CIT: variants seen among roughly 807,000 people sequenced by gnomAD.
CIT encodes the protein citron Rho-interacting kinase.
A neutral mutation model predicts 272.7 loss-of-function variants in CIT; 79 were observed. That is an observed-to-expected ratio of 0.29 (90% CI 0.24 to 0.35). The LOEUF is 0.35. CIT is among the 10% of genes least tolerant of loss of function. The probability of loss-of-function intolerance (pLI) is 1.00; values close to 1 mark genes in which losing one functional copy is unlikely to be tolerated. For missense variants in CIT, 1,909 were observed against 2,618.3 expected (o/e 0.73, Z 5.91); for synonymous variants, 948 against 995.6 (o/e 0.95, Z 0.90).
At chr12:119,837,773 G>A (rs911847171) in intron 5 of CIT, among the ~76,000 whole-genome samples, 2 of 152,196 alleles carry the variant, frequency 1.3e-5, no homozygotes, top group African/African-American at 4.8e-5. Flanking sequence ...AGAAGTGCTT[G>A]TTAAAAATAA....
At chr12:119,717,834 C>CTTGCTTTTTTTTTTTTTTTTT (rs1957596158) in intron 32 of CIT, among the ~76,000 whole-genome samples, 3 of 70,244 alleles carry the variant, frequency 4.3e-5, no homozygotes. Flanking sequence ...AGACTGACTT[C>CTTGCTTTTTTTTTTTTTTTTT]TTTCTTTTTT....
Position 119,688,193 on chromosome 12 carries a change from T to C in CIT, c.*39A>G, listed in dbSNP as rs905571444. On this transcript the variant is annotated 3_prime_UTR_variant, in exon 48 of 48. Coordinates refer to ENST00000392521, the MANE Select transcript of CIT (RefSeq NM_001206999.2). ...TTCCATAGTGTGTTTGGTGTTTTCC[T>C]GCAGATCAAGATGAGGAGTTGGTTT... The C allele has an allele frequency of 1.9e-6, 3 of 1,603,624 alleles. No individual in the cohort carries two copies. The highest frequency in any genetic ancestry group is 2.6e-6 in the Non-Finnish European group (3 of 1,170,548).
intron 41 of CIT, among the ~76,000 whole-genome samples, chr12:119,702,429 T>C (rs933180718): frequency 6.6e-6 from 1 of 152,126 alleles, no homozygotes; most frequent in South Asian, 2.1e-4. Flanking sequence ...CTTACATCTG[T>C]AATCCCAGCA....
At chr12:119,840,456 A>G (rs1049523296) in intron 5 of CIT, among the ~76,000 whole-genome samples, 1 of 152,242 alleles carries the variant, frequency 6.6e-6, no homozygotes, top group Non-Finnish European at 1.5e-5. Context: ...AAATGCACTC[A>G]CTTGAAACAT....
In CIT at chr12:119,804,881, A is replaced by C. The variant is rs964304467; in HGVS notation, c.1112-1492T>G. 6.6e-6 allele frequency among the ~76,000 whole-genome samples: 1 copy of C among 152,214 alleles called. No homozygotes were observed. Among genetic ancestry groups the C allele is most frequent in the Non-Finnish European group, 1.5e-5 (1 of 68,036 alleles). On this transcript the variant is annotated intron_variant, in intron 9 of 47. Transcript: ENST00000392521. This position sits in a 1 kb window ranked among gnomAD's most constrained non-coding sequence, Gnocchi z 5.3. Reference sequence around the variant, plus strand: ...GTAAAATGTGCACTACCAGAAAATTATTTAACACCTCCAGTCTCTCAAGAG... The same window carrying C: ...GTAAAATGTGCACTACCAGAAAATTCTTTAACACCTCCAGTCTCTCAAGAG...
intron 14 of CIT, 111 bp from the exon 15 acceptor site, chr12:119,776,519 G>T: frequency 2.6e-6 from 3 of 1,142,036 alleles, no homozygotes; most frequent in Non-Finnish European, 3.8e-6. Context: ...TAAGAATAAT[G>T]TTATCTTCTG....
intron 7 of CIT, 61 bp downstream of exon 7, chr12:119,832,710 A>G: frequency 7.2e-7 from 1 of 1,380,762 alleles, no homozygotes; most frequent in Non-Finnish European, 1.0e-6. Flanking sequence ...TCCCAAACTT[A>G]GGAGGACCAA....
intron 29 of CIT, among the ~76,000 whole-genome samples, 159 bp from the exon 30 acceptor site, chr12:119,720,744 G>C (rs1303301897): frequency 6.6e-6 from 1 of 152,062 alleles, no homozygotes; most frequent in African/African-American, 2.4e-5. Flanking sequence ...CAGTTTTACT[G>C]CAAAAGAGAA....
chr12:119,701,488 G>A (rs1001560410), intron 43 of CIT, 136 bp downstream of exon 43: 2 of 951,656 alleles, frequency 2.1e-6, no homozygotes, highest in African/African-American at 1.6e-5. Context: ...GGGACTTGGT[G>A]GTGCTGGAAG....
rs1163770397 is a variant in CIT, at chr12:119,708,200, G to A, written c.5190C>T (p.Cys1730=). 2 of 1,592,600 alleles carry A rather than the reference G, an allele frequency of 1.3e-6. No homozygotes were observed. Among genetic ancestry groups the A allele is most frequent in the Admixed American group, 1.8e-5 (1 of 56,998 alleles). Residue 1730 remains cysteine (C), a synonymous_variant, in exon 40 of 48, where the codon TGC becomes TGT. Coordinates refer to ENST00000392521, the MANE Select transcript of CIT (RefSeq NM_001206999.2). ...TTACCTTGCCTGCCCCAAACAAGTG[G>A]CAGCCCTTGACAGCTTCAAAAATGT... is the stretch of plus-strand genomic sequence containing the variant. ...SPNIFEAVKG[C]HLFGAGKIEN...
intron 3 of CIT, among the ~76,000 whole-genome samples, chr12:119,859,673 T>G (rs1422594168): frequency 6.6e-6 from 1 of 151,962 alleles, no homozygotes; most frequent in African/African-American, 2.4e-5. Context: ...AAAAATTAGC[T>G]GCACACAAGC....
intron 7 of CIT, among the ~76,000 whole-genome samples, chr12:119,826,625 C>T (rs902527401): frequency 9.2e-5 from 14 of 152,156 alleles, no homozygotes; most frequent in African/African-American, 3.4e-4. Context: ...ACTTTTCTCC[C>T]CATCAAAACA....
At chr12:119,708,493 TTTA>T (rs1219286404) in intron 39 of CIT, among the ~76,000 whole-genome samples, 175 bp from the exon 40 acceptor site, 3 of 152,116 alleles carry the variant, frequency 2.0e-5, no homozygotes, top group Admixed American at 6.5e-5. Flanking sequence ...ATTTTTTTTT[TTTA>T]AATTTTTGAG....
rs747806220 is a variant in CIT, at chr12:119,770,765, C to T, written c.2208+20G>A. On this transcript the variant is annotated intron_variant, in intron 18 of 47. Coordinates refer to ENST00000392521, the MANE Select transcript of CIT (RefSeq NM_001206999.2). This position sits in a 1 kb window ranked among gnomAD's most constrained non-coding sequence, Gnocchi z 4.4. ...TCTAACCTGTTATCTTTTAACTTTGCGACTTTCATTCCTGCTCACCAGAAT... is the reference window on the plus strand; with the variant it reads ...TCTAACCTGTTATCTTTTAACTTTGTGACTTTCATTCCTGCTCACCAGAAT... 9.3e-6 allele frequency: 15 copies of T among 1,612,384 alleles called. No individual in the cohort carries two copies. The Admixed American group carries it at 1.2e-4, about 13-fold the overall frequency.
At chr12:119,690,000 C>T in intron 47 of CIT, 151 bp downstream of exon 47, 1 of 758,150 alleles carries the variant, frequency 1.3e-6, no homozygotes, top group Non-Finnish European at 1.9e-6. Flanking sequence ...TCTTAAGGTA[C>T]ATTTTCTTCC....
intron 24 of CIT, among the ~76,000 whole-genome samples, chr12:119,736,994 A>G (rs1365582600): frequency 6.6e-6 from 1 of 152,204 alleles, no homozygotes; most frequent in African/African-American, 2.4e-5. Flanking sequence ...CATCTGTGAC[A>G]TGGGAGTGAA....
intron 46 of CIT, among the ~76,000 whole-genome samples, chr12:119,693,329 A>G (rs374802283): frequency 6.6e-6 from 1 of 152,218 alleles, no homozygotes; most frequent in Non-Finnish European, 1.5e-5. Flanking sequence ...AACCTTCTAC[A>G]TTCTCAACTG....
chr12:119,709,708 A>T (rs771657574), intron 39 of CIT, among the ~76,000 whole-genome samples: 135 of 151,962 alleles, frequency 8.9e-4, no homozygotes, highest in Non-Finnish European at 8.5e-4. Context: ...CCTTAGGTTG[A>T]TATACTGAAG....
At chr12:119,716,061 T>C (rs1277940407) in intron 32 of CIT, among the ~76,000 whole-genome samples, 1 of 152,140 alleles carries the variant, frequency 6.6e-6, no homozygotes, top group Non-Finnish European at 1.5e-5. Context: ...TATCTTGTCA[T>C]CACCATTTTA....
Sources: allele counts gnomAD v4.1 joint callset (sites outside exome capture counted in the v4.1 genomes callset), GRCh38; gene constraint gnomAD v4.1.1; non-coding constraint Gnocchi (gnomAD v3.1); transcripts MANE v1.5; gene names NCBI Gene and HGNC (gene_info 2026-07-23, HGNC 2026-07-21).